The following CCDC102B variants were observed in gnomAD, a reference collection of about 807,000 sequenced individuals.
The protein encoded by CCDC102B is coiled-coil domain containing 102B.
In CCDC102B, 75 loss-of-function variants were observed where a neutral mutation model predicts 57.4. The ratio of observed to expected loss-of-function variants is 1.31; its 90% CI spans 1.08 to 1.58. The LOEUF (loss-of-function observed/expected upper bound fraction) is 1.58. CCDC102B is among the 40% of genes most tolerant of loss of function. CCDC102B has a pLI of 0.00. For synonymous variants in CCDC102B, 206 were observed against 201.9 expected, an observed-to-expected ratio of 1.02 and a Z score of -0.17; for missense variants, 636 against 582.6, an observed-to-expected ratio of 1.09 and a Z score of -0.94.
At chr18:68,886,769 A>C (rs1000609142) in intron 5 of CCDC102B, among the ~76,000 whole-genome samples, 4 of 151,128 alleles carry the variant, frequency 2.6e-5, no homozygotes, top group African/African-American at 9.7e-5. Flanking sequence ...TATTCCATGC[A>C]TCTAGTTTGA....
chr18:68,854,128 TC>T (rs1168012060), intron 4 of CCDC102B, among the ~76,000 whole-genome samples: 3 of 151,972 alleles, frequency 2.0e-5, no homozygotes, highest in Non-Finnish European at 2.9e-5. Flanking sequence ...GAGACGGAGT[TC>T]CGCTCTTGTT....
chr18:68,954,443 A>G (rs2049789502), intron 6 of CCDC102B, among the ~76,000 whole-genome samples: 1 of 152,186 alleles, frequency 6.6e-6, no homozygotes, highest in Non-Finnish European at 1.5e-5. Flanking sequence ...ATAATAAAGA[A>G]GAATGGAACT....
chr18:68,967,742 A>C (rs979596602), intron 6 of CCDC102B, among the ~76,000 whole-genome samples: 2 of 152,136 alleles, frequency 1.3e-5, no homozygotes, highest in Non-Finnish European at 2.9e-5. Context: ...TAATAATAAA[A>C]CCCACAAATA....
chr18:68,978,269 AT>A (rs1291710579), intron 6 of CCDC102B, among the ~76,000 whole-genome samples: 13 of 152,014 alleles, frequency 8.6e-5, no homozygotes, highest in African/African-American at 2.9e-4. Flanking sequence ...AACAATTACT[AT>A]CCCCTCTTTA....
At chr18:68,922,234 A>T (rs988862166) in intron 6 of CCDC102B, among the ~76,000 whole-genome samples, 1 of 152,198 alleles carries the variant, frequency 6.6e-6, no homozygotes, top group Non-Finnish European at 1.5e-5. Flanking sequence ...GAAATTGTTG[A>T]TGACTACATA....
intron 7 of CCDC102B, among the ~76,000 whole-genome samples, chr18:69,025,113 G>A (rs73453714): frequency 0.053 from 7,988 of 152,038 alleles, 723 homozygotes; most frequent in African/African-American, 0.18. Flanking sequence ...AATCTGGCTT[G>A]CAAAGAAAAG....
chr18:68,983,161 T>C (rs937860547), intron 6 of CCDC102B, among the ~76,000 whole-genome samples: 1 of 142,086 alleles, frequency 7.0e-6, no homozygotes, highest in African/African-American at 2.5e-5. Flanking sequence ...ATTAAAAGGT[T>C]TTTTTTTTTA....
chr18:68,967,555 C>T (rs1380138607), intron 6 of CCDC102B, among the ~76,000 whole-genome samples: 1 of 152,046 alleles, frequency 6.6e-6, no homozygotes. Flanking sequence ...GATTACAATA[C>T]ATGTTAGACA....
chr18:68,804,661 A>G (rs1274243989), intron 1 of CCDC102B, among the ~76,000 whole-genome samples: 1 of 152,164 alleles, frequency 6.6e-6, no homozygotes, highest in Non-Finnish European at 1.5e-5. Context: ...TGGTTGGCCA[A>G]GTAAAACAGG....
chr18:68,912,726 C>G (rs1451547798), intron 6 of CCDC102B, among the ~76,000 whole-genome samples: 1 of 152,058 alleles, frequency 6.6e-6, no homozygotes, highest in African/African-American at 2.4e-5. Context: ...AGAATGAAGC[C>G]CTTATCCTAG....
At chr18:69,043,501 T>C (rs2052484046) in intron 7 of CCDC102B, among the ~76,000 whole-genome samples, 1 of 152,214 alleles carries the variant, frequency 6.6e-6, no homozygotes, top group East Asian at 1.9e-4. Context: ...CTGGCTTTCC[T>C]AGGCAGAGGT....
At chr18:68,761,741 A>C (rs2034260191) in intron 2 of CCDC102B, among the ~76,000 whole-genome samples, 1 of 152,096 alleles carries the variant, frequency 6.6e-6, no homozygotes, top group Admixed American at 6.6e-5. Flanking sequence ...TTTAACCCTT[A>C]TAGCTGGGTT....
At chr18:68,812,808 A>G (rs1202785495) in intron 1 of CCDC102B, among the ~76,000 whole-genome samples, 1 of 152,150 alleles carries the variant, frequency 6.6e-6, no homozygotes, top group African/African-American at 2.4e-5. Flanking sequence ...AACATACAGG[A>G]ATTGAGTACT....
intron 6 of CCDC102B, among the ~76,000 whole-genome samples, chr18:68,949,508 G>T (rs1232159145): frequency 6.6e-6 from 1 of 152,080 alleles, no homozygotes; most frequent in African/African-American, 2.4e-5. Flanking sequence ...CACAAACATG[G>T]TATAATGTAT....
intron 6 of CCDC102B, among the ~76,000 whole-genome samples, chr18:68,901,856 A>G (rs534671182): frequency 2.6e-5 from 4 of 152,292 alleles, no homozygotes; most frequent in African/African-American, 9.6e-5. Context: ...CATCATCCTC[A>G]GGTCATGAAA....
intron 5 of CCDC102B, among the ~76,000 whole-genome samples, chr18:68,880,521 C>T (rs111271783): frequency 0.039 from 5,915 of 152,244 alleles, 191 homozygotes; most frequent in African/African-American, 0.08. Flanking sequence ...CGAGAGCCAG[C>T]GAGGGCTGTG....
chr18:68,909,348 A>G (rs2040757802), intron 6 of CCDC102B, among the ~76,000 whole-genome samples: 1 of 152,214 alleles, frequency 6.6e-6, no homozygotes. Context: ...ATTTTTGCCA[A>G]TATATCCCTC....
intron 7 of CCDC102B, among the ~76,000 whole-genome samples, chr18:69,016,391 C>A (rs950798927): frequency 9.2e-5 from 14 of 152,152 alleles, no homozygotes; most frequent in African/African-American, 3.4e-4. Context: ...TACAATGACA[C>A]TTGACTCTCT....
intron 3 of CCDC102B, among the ~76,000 whole-genome samples, chr18:68,841,838 T>C (rs1354994830): frequency 6.6e-6 from 1 of 152,168 alleles, no homozygotes; most frequent in Non-Finnish European, 1.5e-5. Flanking sequence ...GCTCAAGCCA[T>C]CCTCCCACCT....
Sources: allele counts gnomAD v4.1 joint callset (sites outside exome capture counted in the v4.1 genomes callset), GRCh38; gene constraint gnomAD v4.1.1; transcripts MANE v1.5; gene names NCBI Gene and HGNC (gene_info 2026-07-23, HGNC 2026-07-21).